ZNF92: variants seen among roughly 807,000 people sequenced by gnomAD.
The protein encoded by ZNF92 is zinc finger protein 92, also known as epididymis luminal protein 203.
In ZNF92, 11 loss-of-function variants were observed where a neutral mutation model predicts 12.4. That is an observed-to-expected ratio of 0.89 (90% CI 0.56 to 1.47). The LOEUF is 1.47. Among genes scored for constraint, ZNF92 ranks in the 40% most tolerant of loss-of-function variants. The pLI is 0.00. For missense variants in ZNF92, 622 were observed against 681.0 expected, an observed-to-expected ratio of 0.91 and a Z score of 0.96; for synonymous variants, 206 against 228.6, an observed-to-expected ratio of 0.90 and a Z score of 0.89.
intron 3 of ZNF92, among the ~76,000 whole-genome samples, chr7:65,392,363 A>ATTT (rs549725649): frequency 4.3e-5 from 6 of 140,674 alleles, no homozygotes; most frequent in Non-Finnish European, 7.8e-5. Context: ...TTGTAATTCT[A>ATTT]TTTTTTTTTT....
intron 3 of ZNF92, among the ~76,000 whole-genome samples, chr7:65,392,023 G>A (rs535805384): frequency 6.6e-6 from 1 of 152,094 alleles, no homozygotes; most frequent in South Asian, 2.1e-4. Flanking sequence ...TTTCTTATCA[G>A]TTTTTGTTTC....
intron 3 of ZNF92, among the ~76,000 whole-genome samples, chr7:65,391,128 A>G (rs1044884879): frequency 2.0e-5 from 3 of 152,108 alleles, no homozygotes; most frequent in Admixed American, 6.5e-5. Context: ...AAAGGCGCTT[A>G]TTTTTGAGAT....
chr7:65,393,144 A>C (rs763360214), intron 3 of ZNF92, among the ~76,000 whole-genome samples: 3 of 152,102 alleles, frequency 2.0e-5, no homozygotes, highest in Non-Finnish European at 2.9e-5. Flanking sequence ...ACTAAAACTC[A>C]GTACCCGTTA....
At position 65,398,500 on chromosome 7, in the gene ZNF92, G is replaced by T. The variant is rs781171807; in HGVS notation, c.386G>T (p.Gly129Val). 5.6e-6 allele frequency: 9 copies of T among 1,612,680 alleles called. 1 individual carries two copies. In the Admixed American group the frequency reaches 6.7e-5, roughly 12 times the overall value. The change falls in exon 4 of 4, where the codon GGT becomes GTT. Residue 129 changes from glycine (G) to valine (V), a missense_variant. Transcript: ENST00000328747. ...SVDACKVYKG[G>V]YNGLNQCLTT... is the part of the protein sequence containing the mutation. ...GATGCATGTAAGGTGTACAAAGGAG[G>T]TTATAATGGACTTAACCAGTGTTTG...
At position 65,399,314 on chromosome 7, in the gene ZNF92, A is replaced by G. The variant is rs767304931; in HGVS notation, c.1200A>G (p.Glu400=). The G allele has an allele frequency of 1.9e-5, 30 of 1,612,910 alleles. No individual in the cohort carries two copies. In the East Asian group the frequency reaches 6.7e-4, roughly 36 times the overall value. ...IHTGEKPYKC[E]ECGKAFKQSS... The stretch of plus-strand genomic sequence containing the variant: ...CGGGAGAAAAACCCTACAAATGTGA[A>G]GAATGTGGCAAAGCTTTTAAACAGT... Residue 400 remains glutamate, a synonymous_variant, in exon 4 of 4, where the codon GAA becomes GAG. Coordinates refer to ENST00000328747, the MANE Select transcript of ZNF92 (RefSeq NM_152626.4).
At chr7:65,379,826 C>G (rs1400351965) in intron 1 of ZNF92, among the ~76,000 whole-genome samples, 1 of 152,046 alleles carries the variant, frequency 6.6e-6, no homozygotes, top group African/African-American at 2.4e-5. Context: ...TAGCACAAAC[C>G]AGTCTTTCCA....
At chr7:65,382,198 T>G (rs370969339) in intron 1 of ZNF92, among the ~76,000 whole-genome samples, 2 of 152,180 alleles carry the variant, frequency 1.3e-5, no homozygotes, top group African/African-American at 4.8e-5. Flanking sequence ...TATGGACTAA[T>G]TATTGTGACC....
chr7:65,389,251 C>T (rs775722428), intron 3 of ZNF92, among the ~76,000 whole-genome samples: 1 of 151,864 alleles, frequency 6.6e-6, no homozygotes, highest in East Asian at 1.9e-4. Context: ...TGAGCCACTG[C>T]GCCTGGCCTC....
rs551730131 is a variant in ZNF92, at chr7:65,377,741, A to G, written c.3+3741A>G. 3.4e-3 allele frequency among the ~76,000 whole-genome samples: 510 copies of G among 151,854 alleles called. 4 individuals carry two copies. The highest frequency in any genetic ancestry group is 0.012 in the African/African-American group (486 of 41,420). On this transcript the variant is annotated intron_variant, in intron 1 of 3. Transcript: ENST00000328747. ...GCCACCACACCCAGCTAATTTTTGTATTTTTAGTAGAGACGGGGTTTCACC... is the reference window on the plus strand; with the variant it reads ...GCCACCACACCCAGCTAATTTTTGTGTTTTTAGTAGAGACGGGGTTTCACC...
At chr7:65,377,185 A>G (rs985635406) in intron 1 of ZNF92, among the ~76,000 whole-genome samples, 1 of 152,048 alleles carries the variant, frequency 6.6e-6, no homozygotes, top group Non-Finnish European at 1.5e-5. Context: ...ATTTTGCTGG[A>G]TTTTTCAAAC....
intron 3 of ZNF92, among the ~76,000 whole-genome samples, chr7:65,392,105 A>G (rs1431515558): frequency 6.6e-6 from 1 of 152,132 alleles, no homozygotes; most frequent in Middle Eastern, 3.2e-3. Context: ...TAACTGGGAA[A>G]TAAGTCAGCC....
intron 3 of ZNF92, among the ~76,000 whole-genome samples, chr7:65,396,203 C>G (rs1322294085): frequency 2.0e-5 from 3 of 152,052 alleles, no homozygotes; most frequent in Non-Finnish European, 4.4e-5. Context: ...TTTTTATTAA[C>G]TAGTTTATAT....
intron 1 of ZNF92, among the ~76,000 whole-genome samples, chr7:65,387,436 T>C (rs1467884928): frequency 6.6e-6 from 1 of 151,996 alleles, no homozygotes; most frequent in East Asian, 1.9e-4. Context: ...AATAATCTTC[T>C]TGGGCAAAAA....
In ZNF92 at chr7:65,387,988, AGATGT is replaced by A; in HGVS notation, c.96_100del (p.Met33ArgfsTer15). Reference sequence around the variant, plus strand: ...ACACTGCGCAGCGGAATTTATATAGAGATGTGATGTTAGAGAACTACAGAAACCTG... The same window carrying A: ...ACACTGCGCAGCGGAATTTATATAGAGATGTTAGAGAACTACAGAAACCTG... On this transcript the variant is annotated frameshift_variant, in exon 2 of 4. Transcript: ENST00000328747. LOFTEE classifies it high-confidence loss of function. The A allele has an allele frequency of 6.2e-7, 1 of 1,609,282 alleles. No homozygotes were observed. Among genetic ancestry groups the A allele is most frequent in the Non-Finnish European group, 8.5e-7 (1 of 1,177,810 alleles).
In ZNF92 at chr7:65,375,798, A is replaced by G. The variant is rs1055789765; in HGVS notation, c.3+1798A>G. On this transcript the variant is annotated intron_variant, in intron 1 of 3. Coordinates refer to ENST00000328747, the MANE Select transcript of ZNF92 (RefSeq NM_152626.4). ...GGGAGAGGGAGATTGCAGTGAGCCAAGATCATGCCACTGCACTCCAGCCTC... is the reference window on the plus strand; with the variant it reads ...GGGAGAGGGAGATTGCAGTGAGCCAGGATCATGCCACTGCACTCCAGCCTC... Among the ~76,000 whole-genome samples the G allele has an allele frequency of 3.3e-5, 5 of 151,836 alleles. 1 individual carries two copies. Among genetic ancestry groups the G allele is most frequent in the African/African-American group, 1.2e-4 (5 of 41,340 alleles).
At position 65,400,551 on chromosome 7, in the gene ZNF92, A is replaced by T. The variant is rs528276756; in HGVS notation, c.*676A>T. On this transcript the variant is annotated 3_prime_UTR_variant, in exon 4 of 4. Transcript: ENST00000328747. Reference sequence around the variant, plus strand: ...GAATTCACAGTAGAAATCATAAGGCATAAGGCACTGATACTTCAGACATTA... The same window carrying T: ...GAATTCACAGTAGAAATCATAAGGCTTAAGGCACTGATACTTCAGACATTA... The T allele has an allele frequency of 1.3e-5, 2 of 152,180 alleles. No homozygotes were observed. The highest frequency in any genetic ancestry group is 4.1e-4 in the South Asian group (2 of 4,828). The allele number at this position is 152,180 out of a possible 1,614,324, so 9.4% of individuals were successfully genotyped here.
chr7:65,392,868 G>C (rs1793751969), intron 3 of ZNF92, among the ~76,000 whole-genome samples: 1 of 151,896 alleles, frequency 6.6e-6, no homozygotes, highest in Non-Finnish European at 1.5e-5. Context: ...AGCTTGGACA[G>C]CATGTGGAGA....
Position 65,399,753 on chromosome 7 carries a change from A to T in ZNF92, c.1639A>T (p.Asn547Tyr). 1.2e-6 allele frequency: 2 copies of T among 1,613,636 alleles called. No individual in the cohort carries two copies. The highest frequency in any genetic ancestry group is 4.5e-5 in the East Asian group (2 of 44,834). ...ATATGAAGAATGTGACAAAGCCTTT[A>T]ACAAGTTCTCAACCCTTATTACACA... ...YKYEECDKAF[N>Y]KFSTLITHQI... The change falls in exon 4 of 4, where the codon AAC becomes TAC. Residue 547 changes from asparagine (N) to tyrosine (Y), a missense_variant. Transcript: ENST00000328747.
chr7:65,400,021 C>T lies in ZNF92; in HGVS notation c.*146C>T. ...AAGATAATTTATATTGGAGAAAAAT[C>T]CTCCAAGTATGAAGAATGTGGCAAA... On this transcript the variant is annotated 3_prime_UTR_variant, in exon 4 of 4. Coordinates refer to ENST00000328747, the MANE Select transcript of ZNF92 (RefSeq NM_152626.4). 1 of 732,482 alleles carries T rather than the reference C, an allele frequency of 1.4e-6. No homozygotes were observed. The highest frequency in any genetic ancestry group is 2.1e-6 in the Non-Finnish European group (1 of 480,198). The allele number at this position is 732,482 out of a possible 1,614,324, so 45.4% of individuals were successfully genotyped here.
Sources: gnomAD v4.1 joint callset for allele counts (sites outside exome capture counted in the v4.1 genomes callset) on GRCh38, gnomAD v4.1.1 for gene constraint, MANE v1.5 for transcripts, NCBI Gene and HGNC (gene_info 2026-07-23, HGNC 2026-07-21) for gene names.